The following PLAC1 variants were observed in gnomAD, a reference collection of about 807,000 sequenced individuals.
PLAC1 encodes the protein placenta-specific protein 1.
For missense variants in PLAC1, 136 were observed against 163.2 expected (o/e 0.83, Z 0.91); for synonymous variants, 68 against 62.1 (o/e 1.09, Z -0.44).
At chrX:134,603,313 ATTTTTTTTTTTTTTTTTTTT>A (rs1319536202) in intron 1 of PLAC1, among the ~76,000 whole-genome samples, 1 of 7,664 alleles carries the variant, frequency 1.3e-4, no homozygotes, top group Non-Finnish European at 2.0e-4. Flanking sequence ...ATATATATAT[ATTTTTTTTTTTTTTTTTTTT>A]TTTTTTTTTT....
At chrX:134,598,610 A>G (rs1455835792) in intron 2 of PLAC1, among the ~76,000 whole-genome samples, 1 of 112,116 alleles carries the variant, frequency 8.9e-6, no homozygotes, top group African/African-American at 3.2e-5. Flanking sequence ...TGCTGTATGA[A>G]GCCAGAAGAG....
rs1491324137 is a variant in PLAC1 at position 134,741,721 on chromosome X, A to AG, written n.90-8203dup. Among the ~76,000 whole-genome samples, 4 of 107,405 alleles carry AG rather than the reference A, an allele frequency of 3.7e-5. No individual in the cohort carries two copies. The East Asian group carries it at 1.1e-3, about 31-fold the overall frequency. 93.3% of individuals were successfully genotyped at this position (107,405 alleles called of 115,157 possible). Reference sequence around the variant, plus strand: ...GTCTTGGAAAAAAAAAAAAAAAAAAAGAACACACTTGGCAGCCTATAAACA... The same window carrying AG: ...GTCTTGGAAAAAAAAAAAAAAAAAAAGGAACACACTTGGCAGCCTATAAACA... On this transcript the variant is annotated intron_variant and non_coding_transcript_variant, in intron 1 of 2. Transcript: ENST00000466797.
chrX:134,763,825 AAAG>A (rs1409067627), intron 1 of PLAC1, among the ~76,000 whole-genome samples: 37 of 4,979 alleles, frequency 7.4e-3, no homozygotes, highest in Non-Finnish European at 0.011. Flanking sequence ...CCGAAAAAAA[AAAG>A]AAAGAAAGAA....
chrX:134,570,779 G>GT (rs969876042), intron 2 of PLAC1, among the ~76,000 whole-genome samples: 7 of 111,410 alleles, frequency 6.3e-5, no homozygotes, highest in African/African-American at 2.3e-4. Flanking sequence ...GTAGCTTTCT[G>GT]TTTTTTTGTA....
At chrX:134,629,817 G>T (rs146245678) in intron 1 of PLAC1, among the ~76,000 whole-genome samples, 2 of 111,310 alleles carry the variant, frequency 1.8e-5, no homozygotes, top group South Asian at 3.8e-4. Context: ...CACTGATCTG[G>T]GAATTCACCT....
rs961754593 is a variant in PLAC1 at position 134,635,701 on chromosome X, C to A, written c.-131+22627G>T. ...TTTTCTGCAAAAACTTCCATCCCCT[C>A]ACTGCACCTCACCCCTCCTCTGAAA... On this transcript the variant is annotated intron_variant, in intron 1 of 2. Transcript: ENST00000359237. Among the ~76,000 whole-genome samples the A allele has an allele frequency of 7.2e-5, 8 of 111,554 alleles. No individual in the cohort carries two copies. In the East Asian group the frequency reaches 2.3e-3, roughly 31 times the overall value.
intron 2 of PLAC1, among the ~76,000 whole-genome samples, chrX:134,589,934 G>A (rs773001941): frequency 6.3e-5 from 7 of 111,157 alleles, no homozygotes; most frequent in South Asian, 3.8e-4. Flanking sequence ...GGTGGCTCAC[G>A]CCTGTAATCC....
chrX:134,597,237 G>T (rs1317445117), intron 2 of PLAC1, among the ~76,000 whole-genome samples: 1 of 111,193 alleles, frequency 9.0e-6, no homozygotes, highest in Non-Finnish European at 1.9e-5. Context: ...CAAGTTCACC[G>T]ATTTTTTTCC....
At chrX:134,603,272 TATATATATA>T (rs1569384272) in intron 1 of PLAC1, among the ~76,000 whole-genome samples, 22 of 2,290 alleles carry the variant, frequency 9.6e-3, no homozygotes, top group African/African-American at 0.028. Flanking sequence ...CTGTATTTTA[TATATATATA>T]TATATATATA....
At chrX:134,755,906 G>A (rs1026750070) in intron 1 of PLAC1, among the ~76,000 whole-genome samples, 3 of 80,862 alleles carry the variant, frequency 3.7e-5, no homozygotes, top group Non-Finnish European at 6.6e-5. Context: ...TCTGTCACCA[G>A]GCTGGAGTGC....
chrX:134,760,314 C>A (rs192011318), intron 1 of PLAC1: 182 of 111,730 alleles, frequency 1.6e-3, no homozygotes, highest in African/African-American at 5.8e-3. Context: ...CTCAGATAAA[C>A]CTCACTGGCT....
chrX:134,588,349 G>A (rs1300561332), intron 2 of PLAC1, among the ~76,000 whole-genome samples: 1 of 106,081 alleles, frequency 9.4e-6, no homozygotes. Flanking sequence ...TTGTGAGACA[G>A]AGTCTTGCTC....
chrX:134,625,356 G>A (rs987456023), intron 1 of PLAC1, among the ~76,000 whole-genome samples: 8 of 112,080 alleles, frequency 7.1e-5, no homozygotes, highest in African/African-American at 2.6e-4. Flanking sequence ...CCTTTGTAGT[G>A]TTAGGGGATG....
chrX:134,575,626 A>C (rs1322866321), intron 2 of PLAC1, among the ~76,000 whole-genome samples: 1 of 109,141 alleles, frequency 9.2e-6, no homozygotes, highest in Non-Finnish European at 1.9e-5. Context: ...AAAATTAGCC[A>C]GGCGTGGTGG....
chrX:134,664,056 G>A (rs1439322667), intron 2 of PLAC1, among the ~76,000 whole-genome samples: 2 of 112,075 alleles, frequency 1.8e-5, no homozygotes, highest in African/African-American at 6.5e-5. Flanking sequence ...TTATGCACAT[G>A]AGCAGAGCAC....
intron 2 of PLAC1, among the ~76,000 whole-genome samples, chrX:134,582,318 A>C (rs1254267490): frequency 8.9e-6 from 1 of 111,961 alleles, no homozygotes; most frequent in African/African-American, 3.2e-5. Context: ...CCTCTAAATA[A>C]GCAATACTTT....
At position 134,732,794 on chromosome X, in the gene PLAC1, C is replaced by T. The variant is rs754033812; in HGVS notation, n.174+641G>A. 2.0e-3 allele frequency among the ~76,000 whole-genome samples: 225 copies of T among 112,343 alleles called. 3 individuals carry two copies. Among genetic ancestry groups the T allele is most frequent in the Middle Eastern group, 4.6e-3 (1 of 218 alleles). On this transcript the variant is annotated intron_variant and non_coding_transcript_variant, in intron 2 of 2. Coordinates refer to the PLAC1 transcript ENST00000466797. ...ATGTCCTTGCTAGGAATATGTACAA[C>T]GTTACCCAAACATCAGCTGAACACA...
At chrX:134,611,186 T>G (rs144377536) in intron 1 of PLAC1, among the ~76,000 whole-genome samples, 1,863 of 111,250 alleles carry the variant, frequency 0.017, 19 homozygotes, top group Middle Eastern at 0.027. Context: ...GGCCTATACT[T>G]TTATGATAAA....
chrX:134,616,994 G>GT (rs2078186389), intron 1 of PLAC1, among the ~76,000 whole-genome samples: 1 of 103,929 alleles, frequency 9.6e-6, no homozygotes, highest in Non-Finnish European at 2.0e-5. Flanking sequence ...TTTTTTTTTG[G>GT]TGGGGGGGTG....
Sources: gnomAD v4.1 joint callset for allele counts (sites outside exome capture counted in the v4.1 genomes callset) on GRCh38, gnomAD v4.1.1 for gene constraint, MANE v1.5 for transcripts, NCBI Gene and HGNC (gene_info 2026-07-23, HGNC 2026-07-21) for gene names.